SYNE2: variants seen among roughly 807,000 people sequenced by gnomAD.
SYNE2 encodes nesprin-2.
In SYNE2, 431 loss-of-function variants were observed where a neutral mutation model predicts 856.3. The ratio of observed to expected loss-of-function variants is 0.50; its 90% CI spans 0.47 to 0.55. The LOEUF is 0.55. SYNE2 is among the 20% of genes least tolerant of loss of function. The probability of loss-of-function intolerance (pLI) is 0.00; values close to 1 mark genes in which losing one functional copy is unlikely to be tolerated. For synonymous variants in SYNE2, 2,923 were observed against 2,872.3 expected, an observed-to-expected ratio of 1.02 and a Z score of -0.56; for missense variants, 8,129 against 8,023.2, an observed-to-expected ratio of 1.01 and a Z score of -0.50.
chr14:63,768,944 G>A (rs1886789508), intron 1 of SYNE2, among the ~76,000 whole-genome samples: 1 of 151,886 alleles, frequency 6.6e-6, no homozygotes, highest in African/African-American at 2.4e-5. Context: ...GATTTAGGAG[G>A]TGGCAGAATC....
chr14:64,027,793 G>C lies in SYNE2; in HGVS notation c.6714G>C (p.Gln2238His). Residue 2238 changes from glutamine (Q) to histidine (H), a missense_variant and splice_region_variant, in exon 43 of 116, where the codon CAG (glutamine) becomes CAC (histidine). By Grantham distance (24) the Gln-to-His change is conservative. Coordinates refer to ENST00000555002, the MANE Select transcript of SYNE2 (RefSeq NM_182914.3). ...HLHESLLQQL[Q>H]DSVQNLDGHV... is the part of the protein sequence containing the mutation. ...ACGAAAGTCTTCTTCAACAACTGCA[G>C]GTGAGGTGGTCAAAATAATGCTTTA... 1 of 1,612,956 alleles carries C rather than the reference G, an allele frequency of 6.2e-7. No homozygotes were observed. The highest frequency in any genetic ancestry group is 8.5e-7 in the Non-Finnish European group (1 of 1,178,930).
chr14:64,119,738 CA>C, intron 67 of SYNE2, 129 bp downstream of exon 67: 3 of 876,034 alleles, frequency 3.4e-6, no homozygotes, highest in Non-Finnish European at 5.3e-6. Context: ...GAATTTCACA[CA>C]TTAACACCAT....
intron 45 of SYNE2, among the ~76,000 whole-genome samples, chr14:64,044,826 C>T (rs1377214739): frequency 6.6e-6 from 1 of 152,188 alleles, no homozygotes; most frequent in African/African-American, 2.4e-5. Flanking sequence ...GATTGTGAGG[C>T]TTCCCCACCC....
intron 49 of SYNE2, among the ~76,000 whole-genome samples, chr14:64,058,949 ACT>A (rs1326618278): frequency 2.0e-5 from 3 of 151,544 alleles, no homozygotes; most frequent in Non-Finnish European, 4.4e-5. Flanking sequence ...CTGGTAAGAG[ACT>A]CTGATGCATT....
chr14:63,983,230 T>C (rs1233377763), intron 17 of SYNE2, among the ~76,000 whole-genome samples: 3 of 152,270 alleles, frequency 2.0e-5, no homozygotes, highest in African/African-American at 7.2e-5. Context: ...CTCTAGTTTA[T>C]ACACATTTGA....
At chr14:64,150,362 G>T (rs112736203) in intron 84 of SYNE2, among the ~76,000 whole-genome samples, 5,622 of 148,340 alleles carry the variant, frequency 0.038, 142 homozygotes, top group African/African-American at 0.041. Flanking sequence ...TGGGACTGTA[G>T]GCGTGTGCCA....
chr14:63,826,425 G>C (rs896112704), intron 1 of SYNE2, among the ~76,000 whole-genome samples: 15 of 152,000 alleles, frequency 9.9e-5, no homozygotes, highest in African/African-American at 3.6e-4. Context: ...TCAGCTTCCC[G>C]AGTAGCTGGG....
chr14:64,182,458 A>G (rs764934878), intron 96 of SYNE2, among the ~76,000 whole-genome samples: 2 of 152,086 alleles, frequency 1.3e-5, no homozygotes, highest in Non-Finnish European at 2.9e-5. Flanking sequence ...GCACGGTCAT[A>G]GGACAATAGT....
chr14:64,057,169 AATT>A (rs2097277738), intron 49 of SYNE2, among the ~76,000 whole-genome samples: 1 of 152,106 alleles, frequency 6.6e-6, no homozygotes, highest in Admixed American at 6.5e-5. Context: ...TGTACAGTTA[AATT>A]ATTATTGAAC....
chr14:63,774,468 C>CAAAAAAAA (rs748830808), intron 1 of SYNE2, among the ~76,000 whole-genome samples: 20 of 95,082 alleles, frequency 2.1e-4, no homozygotes, highest in East Asian at 6.7e-4. Context: ...GACTCCGTCT[C>CAAAAAAAA]AAAAAAAAAA....
intron 1 of SYNE2, among the ~76,000 whole-genome samples, chr14:63,805,308 G>T (rs922340813): frequency 6.6e-6 from 1 of 152,222 alleles, no homozygotes; most frequent in Non-Finnish European, 1.5e-5. Flanking sequence ...ACTTTGGGCA[G>T]TATGACCACT....
chr14:63,876,239 T>G (rs1321120688), intron 1 of SYNE2, among the ~76,000 whole-genome samples: 1 of 131,550 alleles, frequency 7.6e-6, no homozygotes, highest in African/African-American at 2.9e-5. Context: ...ACAGCGAGAC[T>G]CTATCTCTAC....
chr14:63,768,183 A>G (rs557993504), intron 1 of SYNE2, among the ~76,000 whole-genome samples: 5 of 151,978 alleles, frequency 3.3e-5, no homozygotes, highest in African/African-American at 1.2e-4. Flanking sequence ...AAGTGAGACC[A>G]TGTCTCAAAA....
chr14:63,891,717 G>C (rs893446542), intron 1 of SYNE2, among the ~76,000 whole-genome samples: 1 of 151,976 alleles, frequency 6.6e-6, no homozygotes, highest in Non-Finnish European at 1.5e-5. Context: ...ACTTGGACAT[G>C]ACAAGACAAA....
chr14:64,183,094 G>T (rs1259455230), intron 96 of SYNE2, among the ~76,000 whole-genome samples: 6 of 148,416 alleles, frequency 4.0e-5, no homozygotes, highest in African/African-American at 1.6e-4. Context: ...CGGCTGCCGG[G>T]CGGAGGGGCT....
Position 63,919,972 on chromosome 14 carries a change from G to GTTTTTTTTTTTTTTTTTTTTTTTTTT in SYNE2, c.79+10764_79+10765insTTTTTTTTTTTTTTTTTTTTTTTTTT, listed in dbSNP as rs10673123. Among the ~76,000 whole-genome samples the GTTTTTTTTTTTTTTTTTTTTTTTTTT allele has an allele frequency of 1.6e-4, 18 of 110,596 alleles. 1 individual carries two copies. Among genetic ancestry groups the GTTTTTTTTTTTTTTTTTTTTTTTTTT allele is most frequent in the African/African-American group, 5.0e-4 (13 of 26,150 alleles). The allele number at this position is 110,596 out of a possible 152,430, so 72.6% of individuals were successfully genotyped here. On this transcript the variant is annotated intron_variant, in intron 2 of 115. Transcript: ENST00000555002. ...ATATCAGGCACATGATAAAAGGTAA[G>GTTTTTTTTTTTTTTTTTTTTTTTTTT]TTTTTTTTTTTTTTTTTTTAAGGTA...
intron 6 of SYNE2, among the ~76,000 whole-genome samples, chr14:63,946,594 A>T (rs2096033255): frequency 6.8e-6 from 1 of 147,668 alleles, no homozygotes; most frequent in Non-Finnish European, 1.5e-5. Flanking sequence ...TATATTATAT[A>T]TATACTGTAA....
intron 95 of SYNE2, among the ~76,000 whole-genome samples, chr14:64,175,980 AAC>A (rs2098434022): frequency 6.6e-6 from 1 of 152,232 alleles, no homozygotes; most frequent in Non-Finnish European, 1.5e-5. Context: ...AATTGCAAAT[AAC>A]AGTTTGAAGA....
At chr14:64,084,748 C>G in intron 57 of SYNE2, 1 of 501,078 alleles carries the variant, frequency 2.0e-6, no homozygotes, top group Non-Finnish European at 3.6e-6. Context: ...CTTGAAACAA[C>G]AAACTTATTA....
Sources: allele counts gnomAD v4.1 joint callset (sites outside exome capture counted in the v4.1 genomes callset), GRCh38; gene constraint gnomAD v4.1.1; transcripts MANE v1.5; gene names NCBI Gene and HGNC (gene_info 2026-07-23, HGNC 2026-07-21).